WWOX: variants seen among roughly 807,000 people sequenced by gnomAD.
The protein encoded by WWOX is WW domain-containing oxidoreductase.
WWOX carries 69 observed loss-of-function variants against 46.2 expected under a neutral mutation model. The observed-to-expected ratio is 1.49, with a 90% CI of 1.23 to 1.82. WWOX has a LOEUF of 1.82. Ranked by LOEUF, WWOX falls within the 40% of genes most tolerant of loss-of-function variation. WWOX has a pLI of 0.00. For synonymous variants in WWOX, 359 were observed against 202.6 expected, an observed-to-expected ratio of 1.77 and a Z score of -6.56; for missense variants, 919 against 542.6, an observed-to-expected ratio of 1.69 and a Z score of -6.89.
intron 8 of WWOX, among the ~76,000 whole-genome samples, chr16:79,002,737 A>C (rs974158005): frequency 2.0e-5 from 3 of 152,154 alleles, no homozygotes; most frequent in African/African-American, 7.2e-5. Flanking sequence ...ACTGACACTT[A>C]GTTTTCACCC....
intron 8 of WWOX, among the ~76,000 whole-genome samples, chr16:78,437,578 C>T (rs918083209): frequency 6.6e-6 from 1 of 152,206 alleles, no homozygotes; most frequent in African/African-American, 2.4e-5. Flanking sequence ...CCTCCCTCTT[C>T]TTCTTCAGAT....
intron 5 of WWOX, among the ~76,000 whole-genome samples, chr16:78,261,281 A>ACAT (rs2079226896): frequency 1.3e-5 from 2 of 149,364 alleles, no homozygotes; most frequent in African/African-American, 2.5e-5. Flanking sequence ...ATAGATAGAT[A>ACAT]GATACATACA....
intron 8 of WWOX, among the ~76,000 whole-genome samples, chr16:78,613,954 T>G (rs2045959181): frequency 6.6e-6 from 1 of 152,234 alleles, no homozygotes; most frequent in Non-Finnish European, 1.5e-5. Flanking sequence ...TTGGTTTACG[T>G]ACTGCGATGG....
In WWOX at chr16:78,152,063, G is replaced by A. The variant is rs562514168; in HGVS notation, c.410-12120G>A. ...AAATTAGCCGGGTGTGGTGGCGGGC[G>A]CCTGTAGTCCCAGCTACTCGGGAGG... On this transcript the variant is annotated intron_variant, in intron 4 of 8. Transcript: ENST00000566780. 3.6e-4 allele frequency among the ~76,000 whole-genome samples: 55 copies of A among 152,154 alleles called. 1 individual carries two copies. In the East Asian group the frequency reaches 8.4e-3, roughly 23 times the overall value.
intron 8 of WWOX, among the ~76,000 whole-genome samples, chr16:78,706,805 CT>C (rs201178666): frequency 1.3e-4 from 20 of 151,558 alleles, no homozygotes; most frequent in Admixed American, 9.9e-4. Flanking sequence ...TACAAACTAC[CT>C]TTTTTTTTGG....
chr16:78,651,974 T>G (rs4035816), intron 8 of WWOX, among the ~76,000 whole-genome samples: 8,500 of 152,144 alleles, frequency 0.056, 344 homozygotes, highest in South Asian at 0.18. Flanking sequence ...TACATTATTA[T>G]GAGGATTATT....
intron 5 of WWOX, among the ~76,000 whole-genome samples, chr16:78,360,022 G>A (rs1200380177): frequency 6.6e-6 from 1 of 151,970 alleles, no homozygotes; most frequent in Non-Finnish European, 1.5e-5. Flanking sequence ...TGGATTTCAG[G>A]AAACAAACTT....
Position 78,151,975 on chromosome 16 carries a change from G to T in WWOX, c.410-12208G>T, listed in dbSNP as rs549417118. ...GGAGGCCGAGGCGGGCAGATCACGA[G>T]GTCAGGAGATGGAGACCGTCCTGGC... On this transcript the variant is annotated intron_variant, in intron 4 of 8. Transcript: ENST00000566780. Among the ~76,000 whole-genome samples, 223 of 152,286 alleles carry T rather than the reference G, an allele frequency of 1.5e-3. 1 individual carries two copies. Among genetic ancestry groups the T allele is most frequent in the Non-Finnish European group, 2.6e-3 (176 of 68,032 alleles).
intron 8 of WWOX, among the ~76,000 whole-genome samples, chr16:78,906,035 A>G (rs1597132712): frequency 1.3e-5 from 2 of 152,336 alleles, no homozygotes; most frequent in African/African-American, 2.4e-5. Flanking sequence ...TGATGGATGA[A>G]TGAATGAATG....
chr16:78,365,965 C>T (rs2081527577), intron 5 of WWOX, among the ~76,000 whole-genome samples: 1 of 152,114 alleles, frequency 6.6e-6, no homozygotes, highest in Non-Finnish European at 1.5e-5. Context: ...GCCCATGTGC[C>T]AGGTGGCCAA....
intron 8 of WWOX, among the ~76,000 whole-genome samples, chr16:78,908,663 G>A (rs1290661823): frequency 6.6e-6 from 1 of 152,150 alleles, no homozygotes; most frequent in East Asian, 1.9e-4. Flanking sequence ...AATTTAGTGA[G>A]AAGAGGGTCA....
chr16:78,618,488 G>T (rs1175351714), intron 8 of WWOX, among the ~76,000 whole-genome samples: 1 of 152,080 alleles, frequency 6.6e-6, no homozygotes, highest in African/African-American at 2.4e-5. Context: ...GCCTCTTCTT[G>T]TGAGGGCACT....
chr16:78,735,612 C>A (rs537443226), intron 8 of WWOX, among the ~76,000 whole-genome samples: 1 of 152,310 alleles, frequency 6.6e-6, no homozygotes, highest in Non-Finnish European at 1.5e-5. Context: ...ATGGGCCTGC[C>A]CTGTACATGA....
intron 8 of WWOX, among the ~76,000 whole-genome samples, chr16:78,708,447 G>T (rs2048371988): frequency 6.6e-6 from 1 of 152,104 alleles, no homozygotes; most frequent in African/African-American, 2.4e-5. Context: ...CAGGGTCTTG[G>T]TATCTTTCCT....
chr16:78,100,356 A>C (rs1430192506), intron 1 of WWOX, among the ~76,000 whole-genome samples: 1 of 152,038 alleles, frequency 6.6e-6, no homozygotes, highest in East Asian at 1.9e-4. Context: ...GGGTTCAGAC[A>C]ATCCTCTCAT....
At chr16:78,436,415 A>G (rs571691616) in intron 8 of WWOX, among the ~76,000 whole-genome samples, 12 of 152,206 alleles carry the variant, frequency 7.9e-5, no homozygotes, top group Non-Finnish European at 1.6e-4. Flanking sequence ...ACCTTGAGTG[A>G]TTAGAAAATA....
At chr16:78,869,894 G>A (rs2044089733) in intron 8 of WWOX, among the ~76,000 whole-genome samples, 1 of 152,184 alleles carries the variant, frequency 6.6e-6, no homozygotes, top group African/African-American at 2.4e-5. Context: ...TAACTGAGGG[G>A]CCAGCACATT....
chr16:78,875,318 G>A (rs985053646), intron 8 of WWOX, among the ~76,000 whole-genome samples: 4 of 152,132 alleles, frequency 2.6e-5, no homozygotes, highest in African/African-American at 9.7e-5. Flanking sequence ...GATCTCAGTG[G>A]CAGCCATCTT....
At chr16:79,088,798 A>G (rs992553666) in intron 8 of WWOX, among the ~76,000 whole-genome samples, 1 of 152,170 alleles carries the variant, frequency 6.6e-6, no homozygotes, top group African/African-American at 2.4e-5. Context: ...ATATTCAAAG[A>G]GAATTCATCG....
Sources: allele counts gnomAD v4.1 joint callset (sites outside exome capture counted in the v4.1 genomes callset), GRCh38; gene constraint gnomAD v4.1.1; transcripts MANE v1.5; gene names NCBI Gene and HGNC (gene_info 2026-07-23, HGNC 2026-07-21).